The following ADGRL4 variants were observed in gnomAD, a reference collection of about 807,000 sequenced individuals.
The protein encoded by ADGRL4 is adhesion G protein-coupled receptor L4, also known as EGF, latrophilin and seven transmembrane domain containing 1.
ADGRL4 carries 90 observed loss-of-function variants against 74.8 expected under a neutral mutation model. That is an observed-to-expected ratio of 1.20 (90% CI 1.02 to 1.43). The LOEUF is 1.43. Among genes scored for constraint, ADGRL4 ranks in the 40% most tolerant of loss-of-function variants. The probability of loss-of-function intolerance (pLI) is 0.00; values close to 1 mark genes in which losing one functional copy is unlikely to be tolerated. For synonymous variants in ADGRL4, 311 were observed against 279.2 expected (o/e 1.11, Z -1.14); for missense variants, 881 against 814.3 (o/e 1.08, Z -1.00).
chr1:78,941,500 T>C (rs1649480546), intron 3 of ADGRL4, among the ~76,000 whole-genome samples: 1 of 152,194 alleles, frequency 6.6e-6, no homozygotes, highest in Admixed American at 6.5e-5. Flanking sequence ...TGTTTTGTAG[T>C]TGAGATGCCT....
intron 7 of ADGRL4, among the ~76,000 whole-genome samples, chr1:78,934,905 T>C (rs1649321009): frequency 6.6e-6 from 1 of 152,012 alleles, no homozygotes; most frequent in Non-Finnish European, 1.5e-5. Context: ...CAAGAAACAA[T>C]AGATGCTGGT....
chr1:78,945,551 A>AT (rs991504749), intron 3 of ADGRL4, among the ~76,000 whole-genome samples: 1 of 152,100 alleles, frequency 6.6e-6, no homozygotes, highest in Non-Finnish European at 1.5e-5. Flanking sequence ...ATAAATAATT[A>AT]TTTTTTCTCA....
At chr1:78,959,519 C>T in intron 2 of ADGRL4, among the ~76,000 whole-genome samples, 1 of 152,140 alleles carries the variant, frequency 6.6e-6, no homozygotes, top group East Asian at 1.9e-4. Flanking sequence ...TCCTTAACAT[C>T]TTCAGTTAGT....
chr1:78,973,185 C>T (rs1650206214), intron 2 of ADGRL4, among the ~76,000 whole-genome samples: 1 of 151,956 alleles, frequency 6.6e-6, no homozygotes, highest in Non-Finnish European at 1.5e-5. Context: ...AAACCAAGAA[C>T]TACTCTTACT....
intron 2 of ADGRL4, among the ~76,000 whole-genome samples, chr1:79,002,955 G>A (rs1306735244): frequency 6.6e-6 from 1 of 151,990 alleles, no homozygotes; most frequent in Admixed American, 6.5e-5. Context: ...GTGAGGTTGG[G>A]TTATTACTAT....
chr1:78,922,582 T>A (rs2100673751), intron 8 of ADGRL4, among the ~76,000 whole-genome samples: 1 of 152,176 alleles, frequency 6.6e-6, no homozygotes, highest in Middle Eastern at 3.4e-3. Context: ...TATGGTTTAA[T>A]AATAATTTAT....
chr1:78,908,607 G>T (rs964355861), intron 12 of ADGRL4, among the ~76,000 whole-genome samples: 1 of 151,896 alleles, frequency 6.6e-6, no homozygotes, highest in Non-Finnish European at 1.5e-5. Flanking sequence ...AAGGTTAAAA[G>T]ACTATAGGAA....
Position 78,920,303 on chromosome 1 carries a change from A to G in ADGRL4, c.1341T>C (p.Phe447=). ...GAATTTCACTGAAGAACCAGAAGGT[A>G]AAAATGCATATGGCAAGACAAATCA... ...ISLICLAICI[F]TFWFFSEIQS... is the part of the protein sequence containing the mutation. Residue 447 remains phenylalanine (F), a synonymous_variant, in exon 10 of 15, where the codon TTT becomes TTC. Coordinates refer to ENST00000370742, the MANE Select transcript of ADGRL4 (RefSeq NM_022159.4). The G allele has an allele frequency of 6.2e-7, 1 of 1,611,462 alleles. No homozygotes were observed. The highest frequency in any genetic ancestry group is 8.5e-7 in the Non-Finnish European group (1 of 1,178,238).
chr1:78,990,738 A>T (rs144877562), intron 2 of ADGRL4, among the ~76,000 whole-genome samples: 1 of 152,010 alleles, frequency 6.6e-6, no homozygotes. Flanking sequence ...TTGAAGAAGC[A>T]TAACACTAAA....
chr1:78,988,397 A>G (rs1329328357), intron 2 of ADGRL4, among the ~76,000 whole-genome samples: 1 of 151,878 alleles, frequency 6.6e-6, no homozygotes, highest in Non-Finnish European at 1.5e-5. Context: ...ATTCATATTT[A>G]GCTCTCTACT....
chr1:78,974,517 C>G (rs1650238882), intron 2 of ADGRL4, among the ~76,000 whole-genome samples: 2 of 152,070 alleles, frequency 1.3e-5, no homozygotes, highest in Admixed American at 1.3e-4. Context: ...TATTATTTTC[C>G]TATTGCTGCT....
Position 79,004,326 on chromosome 1 carries a change from G to T in ADGRL4, c.172+744C>A, listed in dbSNP as rs763825589. Among the ~76,000 whole-genome samples, 141 of 151,900 alleles carry T rather than the reference G, an allele frequency of 9.3e-4. 1 individual carries two copies. The highest frequency in any genetic ancestry group is 4.6e-4 in the Admixed American group (7 of 15,234). ...TGGTCTATGGATCCAGTTAAAACTAGATTTTACTGAAAATGAATTTAAAAA... is the reference window on the plus strand; with the variant it reads ...TGGTCTATGGATCCAGTTAAAACTATATTTTACTGAAAATGAATTTAAAAA... On this transcript the variant is annotated intron_variant, in intron 2 of 14. Coordinates refer to ENST00000370742, the MANE Select transcript of ADGRL4 (RefSeq NM_022159.4).
At chr1:78,971,254 C>T (rs1475860789) in intron 2 of ADGRL4, among the ~76,000 whole-genome samples, 1 of 152,148 alleles carries the variant, frequency 6.6e-6, no homozygotes, top group Admixed American at 6.5e-5. Flanking sequence ...TATCCTTATT[C>T]TGACAGCAGT....
At chr1:78,999,839 T>C (rs1412733) in intron 2 of ADGRL4, among the ~76,000 whole-genome samples, 12,241 of 110,818 alleles carry the variant, frequency 0.11, 121 homozygotes, top group East Asian at 0.14. Flanking sequence ...TATCTATCTA[T>C]CTACCTACCT....
intron 3 of ADGRL4, among the ~76,000 whole-genome samples, chr1:78,940,680 C>T (rs939215979): frequency 1.3e-5 from 2 of 152,096 alleles, no homozygotes; most frequent in Admixed American, 6.5e-5. Context: ...GAACATCTAA[C>T]CTTAAATTTA....
At chr1:79,006,327 C>T (rs1262378717) in intron 1 of ADGRL4, among the ~76,000 whole-genome samples, 2 of 152,148 alleles carry the variant, frequency 1.3e-5, no homozygotes, top group East Asian at 3.9e-4. Context: ...GCCAGGAAAC[C>T]TCTCATGGGT....
At chr1:78,954,919 A>G (rs778519576) in intron 2 of ADGRL4, among the ~76,000 whole-genome samples, 26 of 152,150 alleles carry the variant, frequency 1.7e-4, no homozygotes, top group Non-Finnish European at 3.2e-4. Context: ...ATATCAATAG[A>G]GACCAAAAAT....
At chr1:78,972,632 G>A (rs1177191102) in intron 2 of ADGRL4, among the ~76,000 whole-genome samples, 1 of 152,160 alleles carries the variant, frequency 6.6e-6, no homozygotes, top group Non-Finnish European at 1.5e-5. Context: ...TTTTTAAGTT[G>A]TAGAGGACAG....
chr1:78,980,909 C>T lies in ADGRL4; in HGVS notation c.172+24161G>A, dbSNP rs1650385255. Among the ~76,000 whole-genome samples the T allele has an allele frequency of 2.0e-5, 3 of 151,960 alleles. No homozygotes were observed. In the South Asian group the frequency reaches 6.2e-4, roughly 31 times the overall value. ...GAAATTTCTAATGCTAGAGTGTAAA[C>T]CTGTCTGCTGTTGCACGATCACTGA... On this transcript the variant is annotated intron_variant, in intron 2 of 14. Coordinates refer to ENST00000370742, the MANE Select transcript of ADGRL4 (RefSeq NM_022159.4).
Sources: allele counts gnomAD v4.1 joint callset (sites outside exome capture counted in the v4.1 genomes callset), GRCh38; gene constraint gnomAD v4.1.1; transcripts MANE v1.5; gene names NCBI Gene and HGNC (gene_info 2026-07-23, HGNC 2026-07-21).